The following ESRRG variants were observed in gnomAD, a reference collection of about 807,000 sequenced individuals.
ESRRG encodes estrogen-related receptor gamma.
ESRRG carries 13 observed loss-of-function variants against 44.0 expected under a neutral mutation model. The ratio of observed to expected loss-of-function variants is 0.30; its 90% CI spans 0.19 to 0.47. ESRRG has a LOEUF of 0.47. ESRRG is among the 20% of genes least tolerant of loss of function. The pLI, the probability that ESRRG is intolerant of heterozygous loss-of-function variation, is 1.00. For missense variants in ESRRG, 395 were observed against 580.6 expected (o/e 0.68, Z 3.29); for synonymous variants, 215 against 214.6 (o/e 1.00, Z -0.02).
intron 2 of ESRRG, among the ~76,000 whole-genome samples, chr1:216,897,429 T>C (rs1365256928): frequency 6.6e-6 from 1 of 152,210 alleles, no homozygotes; most frequent in Non-Finnish European, 1.5e-5. Context: ...TAACTAGCAC[T>C]GCCAGTGAGT....
At chr1:217,058,794 T>A (rs1241555726) in intron 1 of ESRRG, among the ~76,000 whole-genome samples, 1 of 151,612 alleles carries the variant, frequency 6.6e-6, no homozygotes, top group Non-Finnish European at 1.5e-5. Context: ...CTAACTGTAA[T>A]GCAGAAGAGG....
intron 2 of ESRRG, among the ~76,000 whole-genome samples, chr1:216,856,600 CT>C (rs2095946139): frequency 1.3e-5 from 2 of 152,246 alleles, no homozygotes; most frequent in African/African-American, 4.8e-5. Context: ...CTAATTTAAC[CT>C]TTGGAAAGTT....
At chr1:216,854,888 G>A (rs935169435) in intron 2 of ESRRG, among the ~76,000 whole-genome samples, 5 of 152,086 alleles carry the variant, frequency 3.3e-5, no homozygotes, top group Non-Finnish European at 5.9e-5. Flanking sequence ...AAGTTTCACT[G>A]AATTTTGAAT....
chr1:216,774,811 T>TTTTTTTTTTTTTTAA (rs1559583231), intron 2 of ESRRG, among the ~76,000 whole-genome samples: 2 of 149,212 alleles, frequency 1.3e-5, no homozygotes, highest in African/African-American at 2.5e-5. Flanking sequence ...TTTTTTTTTT[T>TTTTTTTTTTTTTTAA]AAGACAGAAT....
chr1:216,553,911 T>G (rs1443205944), intron 5 of ESRRG, among the ~76,000 whole-genome samples: 1 of 151,922 alleles, frequency 6.6e-6, no homozygotes, highest in African/African-American at 2.4e-5. Flanking sequence ...AGAAAAAAAG[T>G]TTTCTTCTTA....
At chr1:217,017,501 A>G (rs933570196) in intron 1 of ESRRG, among the ~76,000 whole-genome samples, 2 of 147,780 alleles carry the variant, frequency 1.4e-5, no homozygotes, top group Non-Finnish European at 3.0e-5. Flanking sequence ...AAAAAAAAGG[A>G]GAAAACCACT....
At chr1:216,854,676 A>G (rs1408263912) in intron 2 of ESRRG, among the ~76,000 whole-genome samples, 2 of 152,178 alleles carry the variant, frequency 1.3e-5, no homozygotes, top group Non-Finnish European at 2.9e-5. Context: ...TGGCTATACA[A>G]TAGTCTTGGC....
intron 1 of ESRRG, among the ~76,000 whole-genome samples, chr1:217,087,163 C>T (rs1249352955): frequency 6.6e-6 from 1 of 152,156 alleles, no homozygotes; most frequent in Admixed American, 6.5e-5. Flanking sequence ...CTCTGGCGGG[C>T]TTTCGCTAAA....
chr1:216,655,669 T>C (rs538196658), intron 2 of ESRRG, among the ~76,000 whole-genome samples: 1 of 152,312 alleles, frequency 6.6e-6, no homozygotes, highest in South Asian at 2.1e-4. Context: ...AAAGTTGCCT[T>C]GACACATACG....
intron 1 of ESRRG, among the ~76,000 whole-genome samples, chr1:216,686,522 C>T (rs917823584): frequency 1.3e-5 from 2 of 150,850 alleles, no homozygotes; most frequent in African/African-American, 4.9e-5. Flanking sequence ...CACTGAAAAG[C>T]CAAGAGTTCA....
At chr1:217,123,936 A>T (rs1212168691) in intron 1 of ESRRG, among the ~76,000 whole-genome samples, 5 of 152,210 alleles carry the variant, frequency 3.3e-5, no homozygotes, top group African/African-American at 9.6e-5. Context: ...ATTTTTAAAA[A>T]TACCCATTTT....
intron 2 of ESRRG, among the ~76,000 whole-genome samples, chr1:216,877,573 T>G (rs1359018616): frequency 2.6e-5 from 4 of 151,758 alleles, no homozygotes; most frequent in Admixed American, 1.3e-4. Flanking sequence ...CTGGCTAATT[T>G]TTTTGTATTT....
rs1011671434 is a variant in ESRRG at position 216,984,178 on chromosome 1, G to A, written c.-105-44505C>T. On this transcript the variant is annotated intron_variant, in intron 1 of 7. Coordinates refer to the ESRRG transcript ENST00000359162. ...TTGAAACAAAAGAAACAAGAGCATCGTTCAGGTTTCTGGGAGCCCCTGGCA... is the reference window on the plus strand; with the variant it reads ...TTGAAACAAAAGAAACAAGAGCATCATTCAGGTTTCTGGGAGCCCCTGGCA... Among the ~76,000 whole-genome samples, 12 of 152,050 alleles carry A rather than the reference G, an allele frequency of 7.9e-5. 1 individual carries two copies. Among genetic ancestry groups the A allele is most frequent in the Non-Finnish European group, 1.3e-4 (9 of 68,012 alleles).
intron 2 of ESRRG, among the ~76,000 whole-genome samples, chr1:216,899,346 CATT>C (rs1203413744): frequency 6.6e-6 from 1 of 152,082 alleles, no homozygotes; most frequent in Non-Finnish European, 1.5e-5. Flanking sequence ...TCTTTCATAT[CATT>C]GAGAAGTGAT....
At chr1:216,751,048 C>G (rs2091958235) in intron 2 of ESRRG, among the ~76,000 whole-genome samples, 1 of 152,174 alleles carries the variant, frequency 6.6e-6, no homozygotes, top group Non-Finnish European at 1.5e-5. Context: ...GCTTACCCAT[C>G]TTTCTCATTG....
chr1:216,821,532 T>G, intron 2 of ESRRG, among the ~76,000 whole-genome samples: 1 of 150,888 alleles, frequency 6.6e-6, no homozygotes, highest in African/African-American at 2.4e-5. Context: ...TAAAAATGTA[T>G]AAATTAGCCG....
At chr1:217,008,374 G>A (rs925360873) in intron 1 of ESRRG, among the ~76,000 whole-genome samples, 8 of 152,206 alleles carry the variant, frequency 5.3e-5, no homozygotes, top group Non-Finnish European at 1.2e-4. Context: ...TATGCTCAAC[G>A]AAAGTATAAT....
chr1:216,722,325 T>G (rs1443419609), intron 1 of ESRRG, among the ~76,000 whole-genome samples: 1 of 152,154 alleles, frequency 6.6e-6, no homozygotes, highest in Non-Finnish European at 1.5e-5. Context: ...TACTAACATT[T>G]TATCTTAACA....
chr1:217,137,248 G>T (rs1411966480), intron 1 of ESRRG, among the ~76,000 whole-genome samples: 1 of 152,148 alleles, frequency 6.6e-6, no homozygotes, highest in Non-Finnish European at 1.5e-5. Flanking sequence ...ACCCAATCGC[G>T]CCTTTCCTAA....
Sources: gnomAD v4.1 joint callset for allele counts (sites outside exome capture counted in the v4.1 genomes callset) on GRCh38, gnomAD v4.1.1 for gene constraint, MANE v1.5 for transcripts, NCBI Gene and HGNC (gene_info 2026-07-23, HGNC 2026-07-21) for gene names.